CFAP54: variants seen among roughly 807,000 people sequenced by gnomAD.
CFAP54 encodes cilia and flagella associated protein 54.
In CFAP54, 290 loss-of-function variants were observed where a neutral mutation model predicts 370.4. That is an observed-to-expected ratio of 0.78 (90% CI 0.71 to 0.86). The LOEUF is 0.86. Ranked by LOEUF, CFAP54 falls within the 40% of genes least tolerant of loss-of-function variation. The pLI is 0.00. For missense variants in CFAP54, 3,399 were observed against 3,528.7 expected, an observed-to-expected ratio of 0.96 and a Z score of 0.93; for synonymous variants, 1,206 against 1,236.5, an observed-to-expected ratio of 0.98 and a Z score of 0.52.
chr12:96,767,800 A>G (rs1011673931), intron 60 of CFAP54, among the ~76,000 whole-genome samples: 2 of 152,190 alleles, frequency 1.3e-5, no homozygotes, highest in African/African-American at 4.8e-5. Flanking sequence ...ATAAATTAGC[A>G]TCCAGCAAAA....
chr12:96,846,304 C>T (rs1207233210), intron 66 of CFAP54, among the ~76,000 whole-genome samples: 1 of 152,140 alleles, frequency 6.6e-6, no homozygotes, highest in Non-Finnish European at 1.5e-5. Context: ...GAGCCCTGAA[C>T]CACTGGCCCT....
Position 96,743,470 on chromosome 12 carries a change from ACGGAACTG to A in CFAP54, c.7290_7297del (p.Glu2431GlyfsTer2), listed in dbSNP as rs777304318. 38 of 1,613,986 alleles carry A rather than the reference ACGGAACTG, an allele frequency of 2.4e-5. No individual in the cohort carries two copies. Among genetic ancestry groups the A allele is most frequent in the Non-Finnish European group, 3.1e-5 (37 of 1,179,976 alleles). On this transcript the variant is annotated frameshift_variant, in exon 53 of 68. Transcript: ENST00000524981. LOFTEE classifies it high-confidence loss of function. Reference sequence around the variant, plus strand: ...TATGGAGGCAAAAAGCGCAGGGGACACGGAACTGCAGGCTGAATTCTTGACGCAAGCTG... The same window carrying A: ...TATGGAGGCAAAAAGCGCAGGGGACACAGGCTGAATTCTTGACGCAAGCTG...
chr12:96,635,582 C>G (rs10860057), intron 32 of CFAP54, among the ~76,000 whole-genome samples: 64,660 of 151,908 alleles, frequency 0.43, 14,101 homozygotes, highest in Admixed American at 0.51. Context: ...CTGACACTGT[C>G]GACATACAGT....
chr12:96,664,728 T>G (rs1391340241), intron 39 of CFAP54, among the ~76,000 whole-genome samples: 419 of 13,050 alleles, frequency 0.032, 9 homozygotes, highest in African/African-American at 0.14. Context: ...TATATATCTA[T>G]ATATATATAT....
Position 96,527,305 on chromosome 12 carries a change from A to G in CFAP54, c.1218A>G (p.Ala406=). Residue 406 remains alanine (A), a synonymous_variant, in exon 9 of 68, where the codon GCA becomes GCG. Transcript: ENST00000524981. Reference sequence around the variant, plus strand: ...TGGATGAGATGTTTGATAGCACTGCATCCCAGTTTCTGGCTGTCTTGGAAG... The same window carrying G: ...TGGATGAGATGTTTGATAGCACTGCGTCCCAGTTTCTGGCTGTCTTGGAAG... ...RLLDEMFDST[A]SQFLAVLEAL... is the part of the protein sequence containing the mutation. 1 of 1,535,936 alleles carries G rather than the reference A, an allele frequency of 6.5e-7. No individual in the cohort carries two copies. The highest frequency in any genetic ancestry group is 8.7e-7 in the Non-Finnish European group (1 of 1,146,760).
intron 60 of CFAP54, among the ~76,000 whole-genome samples, chr12:96,778,398 TC>T (rs1470412121): frequency 6.6e-6 from 1 of 152,212 alleles, no homozygotes; most frequent in Non-Finnish European, 1.5e-5. Context: ...AATTTTAAAA[TC>T]TTTTTTCTTT....
At chr12:96,836,902 C>T (rs1232818229) in intron 66 of CFAP54, among the ~76,000 whole-genome samples, 1 of 152,062 alleles carries the variant, frequency 6.6e-6, no homozygotes, top group Non-Finnish European at 1.5e-5. Context: ...ATTATAGCTC[C>T]CTTTAACTTT....
At chr12:96,689,032 G>C (rs772050928) in intron 43 of CFAP54, 50 bp downstream of exon 43, 1 of 1,168,524 alleles carries the variant, frequency 8.6e-7, no homozygotes, top group South Asian at 1.7e-5. Flanking sequence ...ACCATTCATT[G>C]GATCAGTAAA....
In CFAP54 at chr12:96,723,117, T is replaced by C. The variant is rs190787204; in HGVS notation, c.6965+2552T>C. Reference sequence around the variant, plus strand: ...ATCACTGCTATTTAATTATTACACATTATGTAATGTATCAAAATATTTTAT... The same window carrying C: ...ATCACTGCTATTTAATTATTACACACTATGTAATGTATCAAAATATTTTAT... On this transcript the variant is annotated intron_variant, in intron 50 of 67. Transcript: ENST00000524981. 5.1e-3 allele frequency among the ~76,000 whole-genome samples: 770 copies of C among 152,314 alleles called. 2 individuals carry two copies. The highest frequency in any genetic ancestry group is 0.01 in the Middle Eastern group (3 of 294).
chr12:96,850,245 G>A (rs764999520), intron 66 of CFAP54, among the ~76,000 whole-genome samples: 3 of 151,088 alleles, frequency 2.0e-5, no homozygotes, highest in Non-Finnish European at 2.9e-5. Context: ...AAAAGTAGCC[G>A]GGCATGAGGC....
chr12:96,581,125 AT>A lies in CFAP54; in HGVS notation c.3075+26del. ...ACACAGGTAGAAAAGATTTCTGCTAATTTTTTCCACTGTGTTTTTTTTTCCA... is the reference window on the plus strand; with the variant it reads ...ACACAGGTAGAAAAGATTTCTGCTAATTTTTCCACTGTGTTTTTTTTTCCA... On this transcript the variant is annotated intron_variant, in intron 22 of 67. Coordinates refer to ENST00000524981, the MANE Select transcript of CFAP54 (RefSeq NM_001306084.2). 1 of 1,403,960 alleles carries A rather than the reference AT, an allele frequency of 7.1e-7. No homozygotes were observed. Among genetic ancestry groups the A allele is most frequent in the Non-Finnish European group, 9.3e-7 (1 of 1,075,996 alleles). The allele number at this position is 1,403,960 out of a possible 1,614,324, so 87.0% of individuals were successfully genotyped here.
intron 67 of CFAP54, among the ~76,000 whole-genome samples, chr12:96,865,585 C>T (rs2136467592): frequency 6.6e-6 from 1 of 152,178 alleles, no homozygotes; most frequent in Non-Finnish European, 1.5e-5. Context: ...CAGGAGGTTT[C>T]ATTTGTCTTT....
At chr12:96,504,160 A>C (rs1311913966) in intron 3 of CFAP54, 131 bp downstream of exon 3, 9 of 820,570 alleles carry the variant, frequency 1.1e-5, no homozygotes, top group Non-Finnish European at 1.4e-5. Flanking sequence ...TTGCTTAATA[A>C]ATACTTTCAG....
In CFAP54 at chr12:96,664,804, TATATATATA is replaced by T. The variant is rs1565934615; in HGVS notation, c.5563+873_5563+881del. Among the ~76,000 whole-genome samples the T allele has an allele frequency of 4.3e-5, 2 of 46,786 alleles. 1 individual carries two copies. The highest frequency in any genetic ancestry group is 1.6e-4 in the African/African-American group (2 of 12,826). 30.7% of individuals were successfully genotyped at this position (46,786 alleles called of 152,430 possible). A position where few individuals can be genotyped will look rare whatever the true frequency, so the allele number is the denominator to read the frequency against. ...ATATATATATATATATATATATATA[TATATATATA>T]GATATATATATGTATATCCCATAAT... On this transcript the variant is annotated intron_variant, in intron 39 of 67. Transcript: ENST00000524981.
chr12:96,732,685 G>A (rs1378151542), intron 50 of CFAP54, among the ~76,000 whole-genome samples: 1 of 152,134 alleles, frequency 6.6e-6, no homozygotes, highest in Non-Finnish European at 1.5e-5. Flanking sequence ...GTATAAAGAG[G>A]TGCTGAGAAT....
chr12:96,771,371 T>C (rs76596327), intron 60 of CFAP54, among the ~76,000 whole-genome samples: 1 of 152,128 alleles, frequency 6.6e-6, no homozygotes, highest in East Asian at 1.9e-4. Context: ...CCCACTTTAG[T>C]CCCGGAAGCA....
At chr12:96,664,267 TC>T (rs1055351293) in intron 39 of CFAP54, among the ~76,000 whole-genome samples, 1 of 152,150 alleles carries the variant, frequency 6.6e-6, no homozygotes, top group Non-Finnish European at 1.5e-5. Context: ...TAGTGATTTT[TC>T]CTGATCCTCT....
chr12:96,522,908 C>A (rs1032220389), intron 8 of CFAP54, among the ~76,000 whole-genome samples: 2 of 152,194 alleles, frequency 1.3e-5, no homozygotes, highest in African/African-American at 4.8e-5. Context: ...CCCCTCCCAA[C>A]CACAAGCCTA....
In CFAP54 at chr12:96,569,694, G is replaced by A. The variant is rs138892171; in HGVS notation, c.2619+4929G>A. 2.1e-3 allele frequency among the ~76,000 whole-genome samples: 323 copies of A among 152,266 alleles called. 1 individual carries two copies. Among genetic ancestry groups the A allele is most frequent in the Middle Eastern group, 0.014 (4 of 294 alleles). ...TCCACTCTAAGCAAAGGAGCATTAT[G>A]ATTTAGCAGGTTATTGTTTATAATC... On this transcript the variant is annotated intron_variant, in intron 19 of 67. Transcript: ENST00000524981.
Sources: allele counts gnomAD v4.1 joint callset (sites outside exome capture counted in the v4.1 genomes callset), GRCh38; gene constraint gnomAD v4.1.1; transcripts MANE v1.5; gene names NCBI Gene and HGNC (gene_info 2026-07-23, HGNC 2026-07-21).